Variants in APBA2 observed in about 807,000 individuals in gnomAD.
The protein encoded by APBA2 is amyloid beta precursor protein binding family A member 2, also known as amyloid-beta A4 precursor protein-binding family A member 2.
In APBA2, 30 loss-of-function variants were observed where a neutral mutation model predicts 75.0. The observed-to-expected ratio is 0.40, with a 90% CI of 0.30 to 0.54. The LOEUF (loss-of-function observed/expected upper bound fraction) is 0.54. APBA2 is among the 20% of genes least tolerant of loss of function. The probability of loss-of-function intolerance (pLI) is 0.49; values close to 1 mark genes in which losing one functional copy is unlikely to be tolerated. For synonymous variants in APBA2, 444 were observed against 409.6 expected (o/e 1.08, Z -1.01); for missense variants, 801 against 1,016.1 (o/e 0.79, Z 2.88).
chr15:28,996,107 T>C (rs3812918), intron 3 of APBA2, among the ~76,000 whole-genome samples: 23,469 of 152,100 alleles, frequency 0.15, 2,989 homozygotes, highest in African/African-American at 0.34. Flanking sequence ...CTCTCCTCAT[T>C]ATACTGGTGT....
At chr15:28,907,553 A>C (rs1197522926) in intron 1 of APBA2, among the ~76,000 whole-genome samples, 1 of 152,170 alleles carries the variant, frequency 6.6e-6, no homozygotes, top group Non-Finnish European at 1.5e-5. Context: ...GTTGGCCAGG[A>C]TGTGGAAGGA....
chr15:28,959,426 CTTAATCCAATCTGA>C (rs2036348017), intron 2 of APBA2, among the ~76,000 whole-genome samples: 1 of 152,194 alleles, frequency 6.6e-6, no homozygotes, highest in South Asian at 2.1e-4. Flanking sequence ...ATCAAGGTAG[CTTAATCCAATCTGA>C]CTGATGTTCT....
chr15:28,928,243 G>A (rs2034382631), intron 2 of APBA2, among the ~76,000 whole-genome samples: 1 of 152,106 alleles, frequency 6.6e-6, no homozygotes. Context: ...TGGGAACTGA[G>A]GTAAACAGGC....
At chr15:29,090,625 C>G (rs12441697) in intron 6 of APBA2, among the ~76,000 whole-genome samples, 109,299 of 152,152 alleles carry the variant, frequency 0.72, 41,455 homozygotes, top group Non-Finnish European at 0.84. Flanking sequence ...CAAGGCCCTG[C>G]TCACCTGCTG....
chr15:29,010,946 C>T (rs2039374399), intron 3 of APBA2, among the ~76,000 whole-genome samples: 3 of 152,124 alleles, frequency 2.0e-5, no homozygotes, highest in African/African-American at 7.2e-5. Flanking sequence ...TGTTGTGAAG[C>T]AGATCTCTAG....
At chr15:28,950,435 G>T (rs2035796942) in intron 2 of APBA2, among the ~76,000 whole-genome samples, 1 of 151,990 alleles carries the variant, frequency 6.6e-6, no homozygotes, top group Non-Finnish European at 1.5e-5. Context: ...AGACCATCTT[G>T]GCTAACATGG....
intron 2 of APBA2, among the ~76,000 whole-genome samples, chr15:28,975,251 A>C (rs1462502985): frequency 6.6e-6 from 1 of 152,226 alleles, no homozygotes; most frequent in East Asian, 1.9e-4. Context: ...ATATTTTCAC[A>C]GGAGAATTCT....
intron 2 of APBA2, among the ~76,000 whole-genome samples, chr15:28,979,623 C>T (rs1283175826): frequency 6.6e-6 from 1 of 152,188 alleles, no homozygotes; most frequent in East Asian, 1.9e-4. Context: ...CAGGTCCTCC[C>T]CTGGCCCCTT....
intron 3 of APBA2, among the ~76,000 whole-genome samples, chr15:29,041,775 T>C (rs1474831790): frequency 2.0e-5 from 3 of 152,150 alleles, no homozygotes; most frequent in Non-Finnish European, 4.4e-5. Flanking sequence ...GATTCTAAAA[T>C]TTATATAGAA....
chr15:28,999,400 A>G (rs964244359), intron 3 of APBA2, among the ~76,000 whole-genome samples: 3 of 152,230 alleles, frequency 2.0e-5, no homozygotes, highest in Admixed American at 6.5e-5. Context: ...TAAAAAGACA[A>G]TAGAATTGAA....
At chr15:29,083,355 C>T (rs2043161047) in intron 6 of APBA2, among the ~76,000 whole-genome samples, 1 of 152,108 alleles carries the variant, frequency 6.6e-6, no homozygotes, top group African/African-American at 2.4e-5. Context: ...GGTTCCAGAT[C>T]CAGGCTGCTT....
intron 2 of APBA2, among the ~76,000 whole-genome samples, chr15:28,986,311 T>C (rs982043139): frequency 3.9e-5 from 6 of 152,176 alleles, no homozygotes; most frequent in Non-Finnish European, 7.3e-5. Context: ...AGTTGGTTAA[T>C]GTGACAGACA....
At chr15:28,985,063 A>G (rs78136337) in intron 2 of APBA2, among the ~76,000 whole-genome samples, 64 of 152,258 alleles carry the variant, frequency 4.2e-4, no homozygotes, top group African/African-American at 1.5e-3. Flanking sequence ...CAGTCTGTAC[A>G]CATTGGATCC....
intron 1 of APBA2, among the ~76,000 whole-genome samples, chr15:28,901,911 T>TGTGTGTGTGTGC (rs2032884228): frequency 9.1e-6 from 1 of 109,334 alleles, no homozygotes; most frequent in Admixed American, 9.3e-5. Flanking sequence ...GCTTTTGATG[T>TGTGTGTGTGTGC]GTGTGTGTGT....
At chr15:28,933,232 G>A (rs2034657925) in intron 2 of APBA2, among the ~76,000 whole-genome samples, 1 of 152,034 alleles carries the variant, frequency 6.6e-6, no homozygotes, top group Non-Finnish European at 1.5e-5. Flanking sequence ...ACTTTGGGGG[G>A]GCACATTCCA....
At chr15:28,915,066 T>C (rs1351080124) in intron 1 of APBA2, among the ~76,000 whole-genome samples, 17 of 90,362 alleles carry the variant, frequency 1.9e-4, no homozygotes, top group Admixed American at 2.3e-4. Context: ...ACCACACACA[T>C]ACCCCATATA....
intron 2 of APBA2, among the ~76,000 whole-genome samples, chr15:28,946,938 A>G (rs1424414448): frequency 2.0e-5 from 3 of 152,190 alleles, no homozygotes; most frequent in African/African-American, 4.8e-5. Flanking sequence ...GTCTGAAGTC[A>G]CTAGATTTAT....
At chr15:28,903,636 C>A (rs969801576) in intron 1 of APBA2, among the ~76,000 whole-genome samples, 1 of 152,216 alleles carries the variant, frequency 6.6e-6, no homozygotes, top group Non-Finnish European at 1.5e-5. Flanking sequence ...GCAGGGACAG[C>A]TGCGGTTTAG....
At chr15:29,047,894 G>A (rs527854163) in intron 3 of APBA2, among the ~76,000 whole-genome samples, 20 of 151,992 alleles carry the variant, frequency 1.3e-4, no homozygotes, top group South Asian at 8.3e-4. Context: ...AGATCTATTC[G>A]CAACAGCCAC....
Sources: allele counts gnomAD v4.1 joint callset (sites outside exome capture counted in the v4.1 genomes callset), GRCh38; gene constraint gnomAD v4.1.1; transcripts MANE v1.5; gene names NCBI Gene and HGNC (gene_info 2026-07-23, HGNC 2026-07-21).